MBTPS2: variants seen among roughly 807,000 people sequenced by gnomAD.
MBTPS2 encodes the protein membrane-bound transcription factor site-2 protease.
MBTPS2 carries 2 observed loss-of-function variants against 35.4 expected under a neutral mutation model. That is an observed-to-expected ratio of 0.06 (90% CI 0.02 to 0.18). MBTPS2 has a LOEUF of 0.18. MBTPS2 is among the 10% of genes least tolerant of loss of function. The probability of loss-of-function intolerance (pLI) is 1.00; values close to 1 mark genes in which losing one functional copy is unlikely to be tolerated. For missense variants in MBTPS2, 244 were observed against 386.5 expected, an observed-to-expected ratio of 0.63 and a Z score of 3.09; for synonymous variants, 125 against 140.4, an observed-to-expected ratio of 0.89 and a Z score of 0.77.
chrX:21,856,036 C>T (rs939904448), intron 5 of MBTPS2: 2 of 125,523 alleles, frequency 1.6e-5, no homozygotes, highest in Admixed American at 1.7e-4. Context: ...TTGGCAGATA[C>T]TGTTATATGG....
chrX:21,863,485 T>C (rs1301483384), intron 5 of MBTPS2, among the ~76,000 whole-genome samples: 1 of 110,163 alleles, frequency 9.1e-6, no homozygotes, highest in Non-Finnish European at 1.9e-5. Flanking sequence ...GGTTGAGAAA[T>C]GGTATTTGGG....
At chrX:21,859,043 T>C (rs1436868457) in intron 5 of MBTPS2, among the ~76,000 whole-genome samples, 1 of 110,941 alleles carries the variant, frequency 9.0e-6, no homozygotes, top group Non-Finnish European at 1.9e-5. Context: ...ATCCCCCGGC[T>C]ACTTAAAAAT....
Position 21,883,607 on chromosome X carries a change from C to T in MBTPS2, c.*952C>T, listed in dbSNP as rs2092961651. On this transcript the variant is annotated 3_prime_UTR_variant, in exon 11 of 11. Coordinates refer to ENST00000379484, the MANE Select transcript of MBTPS2 (RefSeq NM_015884.4). ...GGCCTAGCTCCTGGGTTCCTGTCTCCAAGAAGCAATGACCTTAAACTCTGA... is the reference window on the plus strand; with the variant it reads ...GGCCTAGCTCCTGGGTTCCTGTCTCTAAGAAGCAATGACCTTAAACTCTGA... The T allele has an allele frequency of 1.3e-6, 1 of 751,877 alleles. No individual in the cohort carries two copies. Among genetic ancestry groups the T allele is most frequent in the Non-Finnish European group, 1.6e-6 (1 of 638,776 alleles). 62.0% of individuals were successfully genotyped at this position (751,877 alleles called of 1,213,427 possible). A position where few individuals can be genotyped will look rare whatever the true frequency, so the allele number is the denominator to read the frequency against.
At chrX:21,856,855 C>T (rs767015419) in intron 5 of MBTPS2, 1 of 1,211,015 alleles carries the variant, frequency 8.3e-7, no homozygotes, top group Non-Finnish European at 1.1e-6. Flanking sequence ...GCCTCTCTGT[C>T]GGCCTCGGCG....
chrX:21,881,361 G>A (rs1297602701), intron 10 of MBTPS2, among the ~76,000 whole-genome samples: 1 of 111,702 alleles, frequency 9.0e-6, no homozygotes, highest in Non-Finnish European at 1.9e-5. Context: ...CAGGAATTAT[G>A]TAAATCCCAG....
intron 1 of MBTPS2, 78 bp downstream of exon 1, chrX:21,839,887 C>T: frequency 1.0e-6 from 1 of 985,636 alleles, no homozygotes; most frequent in Non-Finnish European, 1.4e-6. Context: ...CTTCCCCTGC[C>T]TGGCGCCTCC....
chrX:21,849,863 A>C (rs1348304501), intron 3 of MBTPS2, among the ~76,000 whole-genome samples: 1 of 105,907 alleles, frequency 9.4e-6, no homozygotes, highest in African/African-American at 3.4e-5. Context: ...AAATACAAAA[A>C]AAAAAAAAAA....
chrX:21,857,109 G>A, intron 5 of MBTPS2: 1 of 1,211,755 alleles, frequency 8.3e-7, no homozygotes, highest in Non-Finnish European at 1.1e-6. Context: ...AAACCCACCT[G>A]ATTATTCCGA....
In MBTPS2 at chrX:21,864,913, C is replaced by T. The variant is rs747217862; in HGVS notation, c.671-3554C>T. Among the ~76,000 whole-genome samples, 372 of 99,558 alleles carry T rather than the reference C, an allele frequency of 3.7e-3. 1 individual carries two copies. The highest frequency in any genetic ancestry group is 0.013 in the African/African-American group (354 of 26,600). The allele number at this position is 99,558 out of a possible 115,157, so 86.5% of individuals were successfully genotyped here. A position where few individuals can be genotyped will look rare whatever the true frequency, so the allele number is the denominator to read the frequency against. The stretch of plus-strand genomic sequence containing the variant: ...TTTTTTTTTCTGAGACAGGATATCA[C>T]CCTGTCACCCAGGCTGAAGGGCAGT... On this transcript the variant is annotated intron_variant, in intron 5 of 10. Coordinates refer to ENST00000379484, the MANE Select transcript of MBTPS2 (RefSeq NM_015884.4).
intron 7 of MBTPS2, among the ~76,000 whole-genome samples, chrX:21,876,852 T>G (rs778505147): frequency 8.9e-6 from 1 of 112,418 alleles, no homozygotes; most frequent in South Asian, 3.7e-4. Flanking sequence ...AAGTTTTTCA[T>G]GCTAAGTGCT....
chrX:21,863,071 A>G (rs183609619), intron 5 of MBTPS2, among the ~76,000 whole-genome samples: 17 of 92,191 alleles, frequency 1.8e-4, no homozygotes, highest in African/African-American at 6.5e-4. Context: ...GCCTGAGCAA[A>G]ATGGTGAAAC....
intron 3 of MBTPS2, among the ~76,000 whole-genome samples, chrX:21,846,617 G>A (rs953676581): frequency 1.2e-4 from 13 of 112,083 alleles, no homozygotes; most frequent in African/African-American, 2.6e-4. Context: ...TGATCCACCC[G>A]CCTTGGCCTC....
intron 2 of MBTPS2, among the ~76,000 whole-genome samples, chrX:21,844,175 C>T (rs1009850857): frequency 2.8e-5 from 3 of 106,543 alleles, no homozygotes; most frequent in Admixed American, 2.0e-4. Flanking sequence ...ATTGATAAAC[C>T]CCTACCATGA....
At position 21,882,746 on chromosome X, in the gene MBTPS2, T is replaced by C. The variant is rs892282900; in HGVS notation, c.*91T>C. ...ATTGAAATTCTTACTTGGTATGAAA[T>C]ATAAAGTGTTTCCTTAAAATTACAT... On this transcript the variant is annotated 3_prime_UTR_variant, in exon 11 of 11. Transcript: ENST00000379484. 2 of 1,178,940 alleles carry C rather than the reference T, an allele frequency of 1.7e-6. No homozygotes were observed. Among genetic ancestry groups the C allele is most frequent in the African/African-American group, 3.5e-5 (2 of 56,619 alleles).
At chrX:21,869,438 T>C (rs887363520) in intron 6 of MBTPS2, 60 bp from the exon 7 acceptor site, 8 of 881,767 alleles carry the variant, frequency 9.1e-6, no homozygotes, top group Non-Finnish European at 1.3e-5. Flanking sequence ...TATTATTTGC[T>C]CAGATTAATT....
At chrX:21,875,012 T>C (rs1311551029) in intron 7 of MBTPS2, among the ~76,000 whole-genome samples, 1 of 112,470 alleles carries the variant, frequency 8.9e-6, no homozygotes, top group East Asian at 2.8e-4. Flanking sequence ...TAGAGAAATA[T>C]CAAGTTTACT....
At chrX:21,878,010 G>A (rs1448668326) in intron 7 of MBTPS2, 32 bp from the exon 8 acceptor site, 2 of 937,085 alleles carry the variant, frequency 2.1e-6, no homozygotes, top group African/African-American at 1.9e-5. Context: ...TTTTATATAA[G>A]AGACTCTAAT....
At chrX:21,874,536 C>T (rs2092951058) in intron 7 of MBTPS2, among the ~76,000 whole-genome samples, 1 of 111,694 alleles carries the variant, frequency 9.0e-6, no homozygotes, top group South Asian at 3.7e-4. Flanking sequence ...CTGAAAAAAT[C>T]TCTTCTCTCC....
At chrX:21,878,377 C>T in intron 8 of MBTPS2, 120 bp from the exon 9 acceptor site, 1 of 572,598 alleles carries the variant, frequency 1.7e-6, no homozygotes, top group Non-Finnish European at 2.9e-6. Context: ...ACATAAATGG[C>T]ATTTCTTTTA....
Sources: gnomAD v4.1 joint callset for allele counts (sites outside exome capture counted in the v4.1 genomes callset) on GRCh38, gnomAD v4.1.1 for gene constraint, MANE v1.5 for transcripts, NCBI Gene and HGNC (gene_info 2026-07-23, HGNC 2026-07-21) for gene names.